PPM1E: variants seen among roughly 807,000 people sequenced by gnomAD.
PPM1E encodes the protein protein phosphatase, Mg2+/Mn2+ dependent 1E.
A neutral mutation model predicts 65.9 loss-of-function variants in PPM1E; 20 were observed. The observed-to-expected ratio is 0.30, with a 90% CI of 0.21 to 0.44. PPM1E has a LOEUF of 0.44. Ranked by LOEUF, PPM1E falls within the 20% of genes least tolerant of loss-of-function variation. The pLI is 1.00. For missense variants in PPM1E, 713 were observed against 953.1 expected (o/e 0.75, Z 3.32); for synonymous variants, 352 against 374.9 (o/e 0.94, Z 0.70).
intron 1 of PPM1E, among the ~76,000 whole-genome samples, chr17:58,836,913 G>A (rs1380796982): frequency 6.7e-6 from 1 of 149,686 alleles, no homozygotes; most frequent in East Asian, 2.0e-4. Flanking sequence ...CCAGCTACAC[G>A]GGAGGCTGAG....
At position 58,965,841 on chromosome 17, in the gene PPM1E, T is replaced by C; in HGVS notation, c.731T>C (p.Met244Thr). 1 of 1,614,074 alleles carries C rather than the reference T, an allele frequency of 6.2e-7. No homozygotes were observed. Among genetic ancestry groups the C allele is most frequent in the Non-Finnish European group, 8.5e-7 (1 of 1,179,998 alleles). Reference sequence around the variant, plus strand: ...GCCATCAAAAACATGCGCAGGAAAATGGAGGACAAACATGTCTGCATTCCT... The same window carrying C: ...GCCATCAAAAACATGCGCAGGAAAACGGAGGACAAACATGTCTGCATTCCT... ...IHAIKNMRRK[M>T]EDKHVCIPDF... Residue 244 changes from methionine (M) to threonine (T), a missense_variant, in exon 3 of 7, where the codon ATG (methionine) becomes ACG (threonine). Physicochemically the swap from Met to Thr is moderately conservative, Grantham distance 81. Around this residue, in one of 6 missense-constraint regions of PPM1E, gnomAD observed 25 missense variants for 73.9 expected, o/e 0.34. Coordinates refer to ENST00000308249, the MANE Select transcript of PPM1E (RefSeq NM_014906.5).
At chr17:58,915,058 G>A (rs1411050515) in intron 1 of PPM1E, among the ~76,000 whole-genome samples, 1 of 152,096 alleles carries the variant, frequency 6.6e-6, no homozygotes, top group Non-Finnish European at 1.5e-5. Context: ...TACCGGAAAG[G>A]GGTCCCAGTG....
rs551313680 is a variant in PPM1E at position 58,810,864 on chromosome 17, T to G, written c.464+54403T>G. On this transcript the variant is annotated intron_variant, in intron 1 of 6. Coordinates refer to ENST00000308249, the MANE Select transcript of PPM1E (RefSeq NM_014906.5). ...CACTATATGGTCGGTTTTCTGTTCT[T>G]TTCTTTTTTTTGAGACAGAGCCTTA... Among the ~76,000 whole-genome samples the G allele has an allele frequency of 3.9e-5, 6 of 152,296 alleles. No individual in the cohort carries two copies. The South Asian group carries it at 8.3e-4, about 21-fold the overall frequency.
At chr17:58,926,840 C>T (rs1286614852) in intron 1 of PPM1E, among the ~76,000 whole-genome samples, 4 of 151,962 alleles carry the variant, frequency 2.6e-5, no homozygotes, top group African/African-American at 9.7e-5. Context: ...ATTAAAGCAA[C>T]CTAATTTTTC....
intron 1 of PPM1E, 73 bp downstream of exon 1, chr17:58,756,534 G>T: frequency 8.0e-7 from 1 of 1,253,910 alleles, no homozygotes; most frequent in Non-Finnish European, 1.0e-6. Flanking sequence ...GGCTCCCTCG[G>T]CCCCTCAAAC....
chr17:58,849,248 G>C (rs1294884934), intron 1 of PPM1E, among the ~76,000 whole-genome samples: 1 of 152,048 alleles, frequency 6.6e-6, no homozygotes, highest in Non-Finnish European at 1.5e-5. Context: ...TTTTTTTGAA[G>C]GGTGTTTTGT....
chr17:58,760,906 G>C lies in PPM1E; in HGVS notation c.464+4445G>C, dbSNP rs369647129. On this transcript the variant is annotated intron_variant, in intron 1 of 6. Transcript: ENST00000308249. ...AAGCTACAAATTAGTCAAAGGAAGAGAGATGCCTAGGGTATAGTCTAAGAG... is the reference window on the plus strand; with the variant it reads ...AAGCTACAAATTAGTCAAAGGAAGACAGATGCCTAGGGTATAGTCTAAGAG... Among the ~76,000 whole-genome samples, 15 of 152,334 alleles carry C rather than the reference G, an allele frequency of 9.8e-5. No homozygotes were observed. The East Asian group carries it at 2.3e-3, about 23-fold the overall frequency.
At chr17:58,852,240 T>C (rs1023151328) in intron 1 of PPM1E, among the ~76,000 whole-genome samples, 2 of 152,150 alleles carry the variant, frequency 1.3e-5, no homozygotes, top group South Asian at 2.1e-4. Flanking sequence ...GGTGAAGCAC[T>C]GCCCCACCCT....
chr17:58,771,643 A>T (rs1430419146), intron 1 of PPM1E, among the ~76,000 whole-genome samples: 1 of 151,662 alleles, frequency 6.6e-6, no homozygotes, highest in Non-Finnish European at 1.5e-5. Flanking sequence ...AAAAAGAAGA[A>T]GATAAAAAAG....
chr17:58,783,109 G>T (rs2050065783), intron 1 of PPM1E, among the ~76,000 whole-genome samples: 3 of 152,124 alleles, frequency 2.0e-5, no homozygotes, highest in Admixed American at 2.0e-4. Context: ...CAACTTTGAG[G>T]AATTATTGAG....
At chr17:58,927,615 T>C (rs960555293) in intron 1 of PPM1E, among the ~76,000 whole-genome samples, 12 of 152,150 alleles carry the variant, frequency 7.9e-5, no homozygotes, top group East Asian at 7.7e-4. Context: ...TTACCTCAAA[T>C]AAATTCATTT....
At chr17:58,895,760 T>C (rs1421870716) in intron 1 of PPM1E, among the ~76,000 whole-genome samples, 3 of 151,824 alleles carry the variant, frequency 2.0e-5, no homozygotes, top group Non-Finnish European at 4.4e-5. Context: ...AAGCGAACCA[T>C]AGCGACACGA....
chr17:58,966,136 C>G, intron 3 of PPM1E: 1 of 515,812 alleles, frequency 1.9e-6, no homozygotes, highest in South Asian at 2.1e-5. Context: ...ATCCTTGCCT[C>G]CCAGGTACTC....
chr17:58,893,767 G>A (rs1337447946), intron 1 of PPM1E, among the ~76,000 whole-genome samples: 1 of 152,084 alleles, frequency 6.6e-6, no homozygotes, highest in Non-Finnish European at 1.5e-5. Context: ...GTGAACCTAA[G>A]ACTGCTCTTA....
At chr17:58,922,175 G>A (rs929238261) in intron 1 of PPM1E, among the ~76,000 whole-genome samples, 1 of 150,876 alleles carries the variant, frequency 6.6e-6, no homozygotes, top group African/African-American at 2.4e-5. Context: ...GAGAAGAGTT[G>A]ATTTTTTTTT....
At chr17:58,841,541 G>A (rs1355284315) in intron 1 of PPM1E, among the ~76,000 whole-genome samples, 1 of 139,920 alleles carries the variant, frequency 7.1e-6, no homozygotes, top group East Asian at 2.1e-4. Flanking sequence ...TTTTTTTTGA[G>A]GCGGAGTCTT....
intron 6 of PPM1E, among the ~76,000 whole-genome samples, chr17:58,977,590 A>C (rs556095028): frequency 6.6e-6 from 1 of 152,374 alleles, no homozygotes; most frequent in African/African-American, 2.4e-5. Context: ...ATACTAACTC[A>C]GGTAATTATA....
chr17:58,968,716 T>C (rs2030413912), intron 3 of PPM1E, among the ~76,000 whole-genome samples: 1 of 152,220 alleles, frequency 6.6e-6, no homozygotes, highest in African/African-American at 2.4e-5. Context: ...AGATCTGAGA[T>C]TTAAACACTT....
chr17:58,977,559 C>A (rs2143793834), intron 6 of PPM1E, among the ~76,000 whole-genome samples: 1 of 152,106 alleles, frequency 6.6e-6, no homozygotes, highest in South Asian at 2.1e-4. Flanking sequence ...ATGTCGAAGA[C>A]TAATTTCTTA....
Sources: gnomAD v4.1 joint callset for allele counts (sites outside exome capture counted in the v4.1 genomes callset) on GRCh38, gnomAD v4.1.1 for gene constraint, gnomAD v4.1.1 regional missense constraint, MANE v1.5 for transcripts, NCBI Gene and HGNC (gene_info 2026-07-23, HGNC 2026-07-21) for gene names.